Variants in ANKFN1 observed in about 807,000 individuals in gnomAD.
ANKFN1 encodes ankyrin repeat and fibronectin type-III domain-containing protein 1.
In ANKFN1, 74 loss-of-function variants were observed where a neutral mutation model predicts 108.7. That is an observed-to-expected ratio of 0.68 (90% CI 0.56 to 0.83). The LOEUF is 0.83. Among genes scored for constraint, ANKFN1 ranks in the 40% least tolerant of loss-of-function variants. ANKFN1 has a pLI of 0.00. For synonymous variants in ANKFN1, 547 were observed against 516.2 expected, an observed-to-expected ratio of 1.06 and a Z score of -0.81; for missense variants, 1,505 against 1,382.3, an observed-to-expected ratio of 1.09 and a Z score of -1.41.
chr17:56,489,535 G>C (rs1393484508), intron 18 of ANKFN1, among the ~76,000 whole-genome samples: 1 of 151,524 alleles, frequency 6.6e-6, no homozygotes, highest in Non-Finnish European at 1.5e-5. Context: ...GTGGTGCATG[G>C]CATGGACAGT....
At chr17:56,189,412 C>T (rs1292157018) in intron 1 of ANKFN1, among the ~76,000 whole-genome samples, 2 of 151,514 alleles carry the variant, frequency 1.3e-5, no homozygotes, top group African/African-American at 4.9e-5. Context: ...CCTCGTGATC[C>T]GCCCGCCTCG....
At chr17:56,145,820 C>T (rs1326348124) in intron 4 of ANKFN1, among the ~76,000 whole-genome samples, 2 of 152,194 alleles carry the variant, frequency 1.3e-5, no homozygotes, top group Non-Finnish European at 2.9e-5. Context: ...AGGCCAAAGT[C>T]TCAGCTGAGA....
At chr17:56,165,994 C>T (rs1221901848) in intron 1 of ANKFN1, among the ~76,000 whole-genome samples, 3 of 152,150 alleles carry the variant, frequency 2.0e-5, no homozygotes, top group Non-Finnish European at 4.4e-5. Context: ...AGTCTGCCTA[C>T]CATACTCTCA....
At chr17:56,311,497 CT>C (rs1174644066) in intron 3 of ANKFN1, among the ~76,000 whole-genome samples, 1 of 152,216 alleles carries the variant, frequency 6.6e-6, no homozygotes, top group Non-Finnish European at 1.5e-5. Context: ...TATATTTTCA[CT>C]GTATTAATGT....
At chr17:56,130,399 T>A (rs555368658) in intron 4 of ANKFN1, among the ~76,000 whole-genome samples, 1 of 152,292 alleles carries the variant, frequency 6.6e-6, no homozygotes, top group Admixed American at 6.5e-5. Flanking sequence ...AATAGGTCCA[T>A]TTAAATATTT....
Position 56,374,507 on chromosome 17 carries a change from A to G in ANKFN1, c.797-94A>G, listed in dbSNP as rs192695035. 11 of 879,540 alleles carry G rather than the reference A, an allele frequency of 1.3e-5. No homozygotes were observed. The African/African-American group carries it at 1.7e-4, about 13-fold the overall frequency. 54.5% of individuals were successfully genotyped at this position (879,540 alleles called of 1,614,324 possible). A position where few individuals can be genotyped will look rare whatever the true frequency, so the allele number is the denominator to read the frequency against. On this transcript the variant is annotated intron_variant, in intron 7 of 20. Transcript: ENST00000682825. ...AGGCTCCACAAACAAATGTTTCCAT[A>G]GTATTCATTTCAGGGTATCCTTTGA...
chr17:56,498,243 G>A (rs542199197), intron 19 of ANKFN1, among the ~76,000 whole-genome samples: 38 of 152,132 alleles, frequency 2.5e-4, no homozygotes, highest in African/African-American at 8.9e-4. Context: ...AATATATGAA[G>A]TTAATTATTT....
At chr17:56,195,191 C>A (rs139106340) in intron 1 of ANKFN1, 2 of 152,292 alleles carry the variant, frequency 1.3e-5, no homozygotes, top group East Asian at 3.9e-4. Context: ...TTGGCCCTTT[C>A]GGAAGTTGAA....
intron 3 of ANKFN1, among the ~76,000 whole-genome samples, chr17:56,311,138 C>G (rs573457925): frequency 6.6e-6 from 1 of 150,888 alleles, no homozygotes; most frequent in African/African-American, 2.4e-5. Flanking sequence ...ATTTCTCTCT[C>G]TCTCTCGCTC....
At chr17:56,050,576 G>T (rs189237867) in intron 4 of ANKFN1, among the ~76,000 whole-genome samples, 10,324 of 149,772 alleles carry the variant, frequency 0.069, 478 homozygotes, top group East Asian at 0.16. Context: ...TGTATAAGGT[G>T]TAAGGAAGGG....
At chr17:56,492,436 A>C in intron 19 of ANKFN1, 83 bp downstream of exon 19, 1 of 668,144 alleles carries the variant, frequency 1.5e-6, no homozygotes, top group East Asian at 2.7e-5. Flanking sequence ...GGGAAAGGAC[A>C]GCAGTCCAGG....
chr17:56,428,416 T>C (rs2048646090), intron 8 of ANKFN1, among the ~76,000 whole-genome samples: 1 of 151,964 alleles, frequency 6.6e-6, no homozygotes, highest in African/African-American at 2.4e-5. Flanking sequence ...AATTATATGC[T>C]ATATCTTAAA....
At chr17:56,080,022 A>G (rs759898620) in intron 4 of ANKFN1, among the ~76,000 whole-genome samples, 3 of 152,220 alleles carry the variant, frequency 2.0e-5, no homozygotes, top group Non-Finnish European at 4.4e-5. Flanking sequence ...CTGAGAAACA[A>G]GAAACAAAAA....
intron 8 of ANKFN1, among the ~76,000 whole-genome samples, chr17:56,435,276 CTA>C: frequency 6.6e-6 from 1 of 152,278 alleles, no homozygotes; most frequent in Non-Finnish European, 1.5e-5. Context: ...CTGCTAGGTG[CTA>C]TGATAGGTGC....
At chr17:56,466,662 A>T in intron 15 of ANKFN1, 91 bp downstream of exon 15, 1 of 1,090,732 alleles carries the variant, frequency 9.2e-7, no homozygotes. Flanking sequence ...AGCCATTTAC[A>T]TATGCAGTGA....
chr17:56,488,874 G>A (rs958209824), intron 18 of ANKFN1, among the ~76,000 whole-genome samples: 1 of 152,244 alleles, frequency 6.6e-6, no homozygotes. Context: ...ACCACTAAAT[G>A]CCTCATTCTT....
chr17:56,165,239 A>G (rs909160864), intron 1 of ANKFN1, among the ~76,000 whole-genome samples: 1 of 152,138 alleles, frequency 6.6e-6, no homozygotes, highest in African/African-American at 2.4e-5. Context: ...ACCATCCTCT[A>G]TCTAGCTCAT....
chr17:56,421,280 G>A (rs1429409417), intron 8 of ANKFN1, among the ~76,000 whole-genome samples: 1 of 152,164 alleles, frequency 6.6e-6, no homozygotes, highest in Non-Finnish European at 1.5e-5. Context: ...CTTAGTTAGA[G>A]GAATGAGATG....
chr17:56,512,040 A>AT lies in ANKFN1; in HGVS notation c.*776dup, dbSNP rs2051791428. On this transcript the variant is annotated 3_prime_UTR_variant, in exon 21 of 21. Coordinates refer to ENST00000682825, the MANE Select transcript of ANKFN1 (RefSeq NM_001370326.1). ...ATCCAAGCATGAAAATGATCCATAGATTTTTACAGGGGTCAAGGAGATGGC... is the reference window on the plus strand; with the variant it reads ...ATCCAAGCATGAAAATGATCCATAGATTTTTTACAGGGGTCAAGGAGATGGC... 6.6e-6 allele frequency among the ~76,000 whole-genome samples: 1 copy of AT among 152,300 alleles called. No individual in the cohort carries two copies. The highest frequency in any genetic ancestry group is 1.9e-4 in the East Asian group (1 of 5,188).
Sources: allele counts gnomAD v4.1 joint callset (sites outside exome capture counted in the v4.1 genomes callset), GRCh38; gene constraint gnomAD v4.1.1; transcripts MANE v1.5; gene names NCBI Gene and HGNC (gene_info 2026-07-23, HGNC 2026-07-21).